Variants in SLC20A2 observed in about 807,000 individuals in gnomAD.
The protein encoded by SLC20A2 is sodium-dependent phosphate transporter 2.
In SLC20A2, 30 loss-of-function variants were observed where a neutral mutation model predicts 61.0. The ratio of observed to expected loss-of-function variants is 0.49; its 90% CI spans 0.37 to 0.67. SLC20A2 has a LOEUF of 0.67. Among genes scored for constraint, SLC20A2 ranks in the 30% least tolerant of loss-of-function variants. SLC20A2 has a pLI of 0.00. For missense variants in SLC20A2, 626 were observed against 866.4 expected (o/e 0.72, Z 3.48); for synonymous variants, 351 against 353.3 (o/e 0.99, Z 0.07).
intron 4 of SLC20A2, among the ~76,000 whole-genome samples, chr8:42,461,389 C>T (rs1382271821): frequency 2.6e-5 from 4 of 152,038 alleles, no homozygotes; most frequent in Non-Finnish European, 5.9e-5. Context: ...CAACCAATAA[C>T]TTCTGCAGGT....
chr8:42,451,348 T>TGGA (rs1805623939), intron 5 of SLC20A2, among the ~76,000 whole-genome samples: 1 of 95,446 alleles, frequency 1.0e-5, no homozygotes, highest in Admixed American at 1.1e-4. Flanking sequence ...GAGGAAGAGA[T>TGGA]GGAGGAGGAG....
intron 3 of SLC20A2, 83 bp downstream of exon 3, chr8:42,465,689 CAAAAA>C: frequency 4.5e-5 from 48 of 1,059,428 alleles, no homozygotes; most frequent in Admixed American, 6.8e-5. Flanking sequence ...CACTCCGGGT[CAAAAA>C]AAAAAAAAAA....
At chr8:42,500,654 C>T (rs1810258065) in intron 1 of SLC20A2, among the ~76,000 whole-genome samples, 1 of 152,130 alleles carries the variant, frequency 6.6e-6, no homozygotes, top group Admixed American at 6.5e-5. Context: ...CAGGAATTAA[C>T]TTTCAACATT....
At chr8:42,532,670 G>C (rs182974123) in intron 1 of SLC20A2, among the ~76,000 whole-genome samples, 41 of 152,158 alleles carry the variant, frequency 2.7e-4, no homozygotes, top group Non-Finnish European at 5.4e-4. Flanking sequence ...AGAGCTCAAG[G>C]ACCAAGTGCA....
chr8:42,474,097 G>A (rs1807865274), intron 1 of SLC20A2, among the ~76,000 whole-genome samples: 1 of 152,024 alleles, frequency 6.6e-6, no homozygotes, highest in African/African-American at 2.4e-5. Flanking sequence ...CTTGAACCTG[G>A]GAGGCAGAGG....
chr8:42,469,587 G>T (rs147478594), intron 2 of SLC20A2, among the ~76,000 whole-genome samples: 220 of 152,264 alleles, frequency 1.4e-3, no homozygotes, highest in African/African-American at 5.0e-3. Context: ...TTAATAAGCA[G>T]AACCATGCCT....
intron 8 of SLC20A2, among the ~76,000 whole-genome samples, chr8:42,436,746 C>G (rs111452807): frequency 6.6e-6 from 1 of 152,236 alleles, no homozygotes; most frequent in Non-Finnish European, 1.5e-5. Flanking sequence ...TCCCTGGAAG[C>G]CCAGGTCGCA....
intron 1 of SLC20A2, among the ~76,000 whole-genome samples, chr8:42,525,514 G>A (rs553144762): frequency 6.7e-6 from 1 of 149,506 alleles, no homozygotes; most frequent in Admixed American, 6.7e-5. Context: ...CCTGGGAGGT[G>A]GAGGTTGCGA....
chr8:42,462,878 T>C, intron 4 of SLC20A2, 127 bp downstream of exon 4: 1 of 524,026 alleles, frequency 1.9e-6, no homozygotes, highest in East Asian at 3.2e-5. Flanking sequence ...TGACGCTAAC[T>C]GCAGGGTGCT....
chr8:42,512,069 G>A (rs1012762432), intron 1 of SLC20A2, among the ~76,000 whole-genome samples: 3 of 152,136 alleles, frequency 2.0e-5, no homozygotes, highest in Admixed American at 1.3e-4. Context: ...ATGGTTGATT[G>A]TAGACTGCGA....
intron 1 of SLC20A2, among the ~76,000 whole-genome samples, chr8:42,526,154 A>C (rs1300665079): frequency 1.3e-5 from 2 of 152,170 alleles, no homozygotes; most frequent in African/African-American, 4.8e-5. Flanking sequence ...AGAGTGACTA[A>C]GGTCAACATC....
At chr8:42,432,843 G>A (rs7814009) in intron 8 of SLC20A2, among the ~76,000 whole-genome samples, 6 of 152,240 alleles carry the variant, frequency 3.9e-5, no homozygotes, top group African/African-American at 7.2e-5. Context: ...TTTTTAAGAC[G>A]CATTTAATAG....
chr8:42,518,128 GA>G (rs1320112380), intron 1 of SLC20A2, among the ~76,000 whole-genome samples: 1 of 151,966 alleles, frequency 6.6e-6, no homozygotes, highest in South Asian at 2.1e-4. Context: ...TTTTAGTAGA[GA>G]TGGGGTTTCG....
intron 2 of SLC20A2, 80 bp from the exon 3 acceptor site, chr8:42,465,997 C>T (rs754763356): frequency 2.9e-5 from 36 of 1,252,994 alleles, no homozygotes; most frequent in Non-Finnish European, 3.5e-5. Context: ...AAATGTTTTC[C>T]ATAACAACAT....
rs999842479 is a variant in SLC20A2 at position 42,500,260 on chromosome 8, C to T, written c.-265+771G>A. On this transcript the variant is annotated intron_variant, in intron 1 of 10. Transcript: ENST00000520262. ...GCAAACTGTTTGGCTTGAGGTCAGTCCACATTGAAAACACACTTCTAAATA... is the reference window on the plus strand; with the variant it reads ...GCAAACTGTTTGGCTTGAGGTCAGTTCACATTGAAAACACACTTCTAAATA... 2.6e-5 allele frequency among the ~76,000 whole-genome samples: 4 copies of T among 152,170 alleles called. No homozygotes were observed. In the South Asian group the frequency reaches 8.3e-4, roughly 32 times the overall value.
intron 2 of SLC20A2, among the ~76,000 whole-genome samples, chr8:42,470,711 C>T (rs1047704944): frequency 1.8e-4 from 28 of 152,058 alleles, no homozygotes; most frequent in South Asian, 6.2e-4. Context: ...TGGTGGCTCA[C>T]GCCTGTAATC....
chr8:42,439,578 G>A lies in SLC20A2; in HGVS notation c.806C>T (p.Pro269Leu), dbSNP rs1364152875. The A allele has an allele frequency of 1.9e-6, 3 of 1,613,980 alleles. No individual in the cohort carries two copies. Among genetic ancestry groups the A allele is most frequent in the Non-Finnish European group, 2.5e-6 (3 of 1,179,950 alleles). The change falls in exon 7 of 11, where the codon CCA becomes CTA. Residue 269 changes from proline to leucine, a missense_variant. By Grantham distance (98) the Pro-to-Leu change is moderately conservative (BLOSUM62 -3). This residue lies in a region of SLC20A2 where 361 missense variants were observed against 422.3 expected (regional missense o/e 0.85). Coordinates refer to ENST00000520262, the MANE Select transcript of SLC20A2 (RefSeq NM_001257180.2). The stretch of plus-strand genomic sequence containing the variant: ...GGCACCTGGTAGCTCTTTAAATACT[G>A]GGGACTCTGCTTCCTGAACCTTACT... Reference protein sequence around the residue: ...SLSKVQEAESPVFKELPGAKA... With the variant: ...SLSKVQEAESLVFKELPGAKA...
chr8:42,506,294 A>G (rs1810701053), intron 1 of SLC20A2, among the ~76,000 whole-genome samples: 1 of 152,210 alleles, frequency 6.6e-6, no homozygotes, highest in Non-Finnish European at 1.5e-5. Flanking sequence ...CTGGGTTCAA[A>G]GTGTACCCCA....
intron 5 of SLC20A2, among the ~76,000 whole-genome samples, chr8:42,455,234 A>AT (rs1216843038): frequency 4.7e-5 from 5 of 106,652 alleles, no homozygotes; most frequent in African/African-American, 1.8e-4. Flanking sequence ...AAAAAAAAAA[A>AT]AAAAAAAATA....
Sources: allele counts gnomAD v4.1 joint callset (sites outside exome capture counted in the v4.1 genomes callset), GRCh38; gene constraint gnomAD v4.1.1; regional missense constraint gnomAD v4.1.1; transcripts MANE v1.5; gene names NCBI Gene and HGNC (gene_info 2026-07-23, HGNC 2026-07-21).